Variants in HTR3B observed in about 807,000 individuals in gnomAD.
The protein encoded by HTR3B is 5-hydroxytryptamine (serotonin) receptor 3B, ionotropic.
A neutral mutation model predicts 42.8 loss-of-function variants in HTR3B; 44 were observed. That is an observed-to-expected ratio of 1.03 (90% CI 0.81 to 1.32). The LOEUF (loss-of-function observed/expected upper bound fraction) is 1.32. HTR3B is among the 40% of genes most tolerant of loss of function. The probability of loss-of-function intolerance (pLI) is 0.00; values close to 1 mark genes in which losing one functional copy is unlikely to be tolerated. For synonymous variants in HTR3B, 203 were observed against 209.0 expected (o/e 0.97, Z 0.25); for missense variants, 527 against 536.5 (o/e 0.98, Z 0.17).
chr11:113,908,202 A>C (rs139063970), intron 1 of HTR3B, among the ~76,000 whole-genome samples: 43 of 152,312 alleles, frequency 2.8e-4, no homozygotes, highest in Admixed American at 5.9e-4. Context: ...GGTCACACTG[A>C]CATTGTTAAA....
chr11:113,901,707 T>A (rs1328146690), upstream of HTR3B, among the ~76,000 whole-genome samples: 1 of 152,174 alleles, frequency 6.6e-6, no homozygotes, highest in Non-Finnish European at 1.5e-5. Flanking sequence ...AAAGTTGTAA[T>A]GTACCTGTAT....
chr11:113,920,835 CAG>C (rs1406363756), intron 2 of HTR3B, among the ~76,000 whole-genome samples: 1 of 151,734 alleles, frequency 6.6e-6, no homozygotes, highest in African/African-American at 2.4e-5. Flanking sequence ...TTTTTTGAGA[CAG>C]AGTCTCACTC....
intron 3 of HTR3B, 60 bp from the exon 4 acceptor site, chr11:113,931,698 C>T: frequency 1.0e-6 from 1 of 985,898 alleles, no homozygotes; most frequent in Non-Finnish European, 1.6e-6. Flanking sequence ...CTCTTTAGTT[C>T]TTTAGCGAAG....
rs543492564 is a variant in HTR3B, at chr11:113,915,580, C to T, written c.213+6125C>T. Among the ~76,000 whole-genome samples the T allele has an allele frequency of 2.6e-5, 4 of 152,278 alleles. No homozygotes were observed. The East Asian group carries it at 7.7e-4, about 29-fold the overall frequency. On this transcript the variant is annotated intron_variant, in intron 2 of 8. Coordinates refer to ENST00000260191, the MANE Select transcript of HTR3B (RefSeq NM_006028.5). ...AGATGCACTACAATTTATCTGTTTA[C>T]CAGTTGTGGGACACATGGATTGTTT...
intron 2 of HTR3B, among the ~76,000 whole-genome samples, chr11:113,921,391 G>C (rs932225324): frequency 6.6e-6 from 1 of 151,852 alleles, no homozygotes; most frequent in African/African-American, 2.4e-5. Context: ...TGATCTGCCC[G>C]CCTCAGCCTC....
intron 2 of HTR3B, among the ~76,000 whole-genome samples, chr11:113,912,288 G>A (rs1357546856): frequency 6.6e-6 from 1 of 151,856 alleles, no homozygotes. Context: ...CTGTTACCCA[G>A]GCCGGAGTGC....
At chr11:113,945,803 C>A in intron 8 of HTR3B, 99 bp from the exon 9 acceptor site, 1 of 837,264 alleles carries the variant, frequency 1.2e-6, no homozygotes, top group Non-Finnish European at 2.0e-6. Flanking sequence ...GTTTCACCTG[C>A]AACTTTCCTT....
chr11:113,910,160 A>G (rs1449345538), intron 2 of HTR3B, among the ~76,000 whole-genome samples: 1 of 152,118 alleles, frequency 6.6e-6, no homozygotes, highest in East Asian at 1.9e-4. Flanking sequence ...TAAAAGAGAG[A>G]AAAAAATGCC....
At chr11:113,932,869 T>G in intron 5 of HTR3B, 67 bp from the exon 6 acceptor site, 1 of 1,529,296 alleles carries the variant, frequency 6.5e-7, no homozygotes, top group Non-Finnish European at 8.9e-7. Context: ...AATTGGGAGC[T>G]GGAAAAGTGG....
At chr11:113,934,488 G>C (rs1487517810) in intron 6 of HTR3B, among the ~76,000 whole-genome samples, 1 of 152,098 alleles carries the variant, frequency 6.6e-6, no homozygotes, top group Non-Finnish European at 1.5e-5. Context: ...AAGAAAGAAA[G>C]AAACTATTAT....
At chr11:113,930,487 CTTTTTTT>C (rs528919776) in intron 2 of HTR3B, among the ~76,000 whole-genome samples, 15 of 121,938 alleles carry the variant, frequency 1.2e-4, no homozygotes, top group Non-Finnish European at 1.6e-4. Context: ...TTTCTTTTCT[CTTTTTTT>C]TTTTTTTTTT....
chr11:113,931,341 T>G, intron 2 of HTR3B, 43 bp from the exon 3 acceptor site: 5 of 1,468,368 alleles, frequency 3.4e-6, no homozygotes, highest in South Asian at 1.2e-5. Flanking sequence ...TTTGATTTAT[T>G]GACATTCTAA....
intron 2 of HTR3B, among the ~76,000 whole-genome samples, chr11:113,921,002 G>A (rs185040342): frequency 2.7e-5 from 4 of 150,652 alleles, no homozygotes; most frequent in Admixed American, 2.6e-4. Context: ...TAGTAGAGAT[G>A]GGGTTTCACC....
rs902814282 is a variant in HTR3B at position 113,946,442 on chromosome 11, T to C, written c.*305T>C. The C allele has an allele frequency of 5.6e-6, 1 of 179,114 alleles. No individual in the cohort carries two copies. Among genetic ancestry groups the C allele is most frequent in the Admixed American group, 5.8e-5 (1 of 17,112 alleles). 11.1% of individuals were successfully genotyped at this position (179,114 alleles called of 1,614,324 possible). A position where few individuals can be genotyped will look rare whatever the true frequency, so the allele number is the denominator to read the frequency against. ...TACTTGGGAGGTTGAGGTGGGAGGATTGCTTGAGCCCAGGATTTCAAGGCT... is the reference window on the plus strand; with the variant it reads ...TACTTGGGAGGTTGAGGTGGGAGGACTGCTTGAGCCCAGGATTTCAAGGCT... On this transcript the variant is annotated 3_prime_UTR_variant, in exon 9 of 9. Coordinates refer to ENST00000260191, the MANE Select transcript of HTR3B (RefSeq NM_006028.5).
At chr11:113,911,620 G>A (rs988011665) in intron 2 of HTR3B, among the ~76,000 whole-genome samples, 8 of 151,888 alleles carry the variant, frequency 5.3e-5, no homozygotes, top group East Asian at 1.9e-4. Context: ...TCCGCCTCCC[G>A]GGGACAAGCA....
Position 113,942,970 on chromosome 11 carries a change from G to A in HTR3B, c.697-12G>A, listed in dbSNP as rs1950147658. 1.2e-6 allele frequency: 2 copies of A among 1,613,378 alleles called. No individual in the cohort carries two copies. Among genetic ancestry groups the A allele is most frequent in the Non-Finnish European group, 1.7e-6 (2 of 1,179,454 alleles). ...AGATCCTCTTTTCATCAGACCACTT[G>A]TTCCCGGCCAGGTGGTGATGCGCAG... On this transcript the variant is annotated splice_polypyrimidine_tract_variant and intron_variant, in intron 6 of 8. Transcript: ENST00000260191.
intron 2 of HTR3B, among the ~76,000 whole-genome samples, chr11:113,924,431 C>G (rs113549323): frequency 0.029 from 4,445 of 151,978 alleles, 102 homozygotes; most frequent in Non-Finnish European, 0.039. Context: ...ACCTGGGCAA[C>G]ATAGCACCAC....
chr11:113,947,791 AGGG>A lies in HTR3B; in HGVS notation c.*1656_*1658del, dbSNP rs1461195093. On this transcript the variant is annotated 3_prime_UTR_variant, in exon 9 of 9. Transcript: ENST00000260191. ...ATTTTGGGGAGTGGGCAGCAGACAA[AGGG>A]GACATATTTCAGCCCATAACACTAG... is the stretch of plus-strand genomic sequence containing the variant. 3.3e-5 allele frequency among the ~76,000 whole-genome samples: 5 copies of A among 152,134 alleles called. No individual in the cohort carries two copies. The highest frequency in any genetic ancestry group is 1.2e-4 in the African/African-American group (5 of 41,422).
upstream of HTR3B, among the ~76,000 whole-genome samples, chr11:113,901,171 G>C (rs1949695196): frequency 1.3e-5 from 2 of 152,194 alleles, no homozygotes; most frequent in African/African-American, 4.8e-5. Flanking sequence ...GCTGGGTGTA[G>C]TGGTGCATGC....
Sources: allele counts gnomAD v4.1 joint callset (sites outside exome capture counted in the v4.1 genomes callset), GRCh38; gene constraint gnomAD v4.1.1; transcripts MANE v1.5; gene names NCBI Gene and HGNC (gene_info 2026-07-23, HGNC 2026-07-21).